Variants in WFDC8 observed in about 807,000 individuals in gnomAD.
WFDC8 encodes WAP four-disulfide core domain 8.
In WFDC8, 24 loss-of-function variants were observed where a neutral mutation model predicts 27.0. The ratio of observed to expected loss-of-function variants is 0.89; its 90% confidence interval spans 0.64 to 1.25. The LOEUF (loss-of-function observed/expected upper bound fraction) is 1.25, where lower values mean the gene tolerates loss of function less well. WFDC8 is among the 50% of genes most tolerant of loss of function. The pLI is 0.00. For synonymous variants in WFDC8, 106 were observed against 99.7 expected (o/e 1.06, Z -0.38); for missense variants, 287 against 295.9 (o/e 0.97, Z 0.22).
intron 2 of WFDC8, among the ~76,000 whole-genome samples, chr20:45,561,091 CACTT>C (rs1237589607): frequency 6.6e-6 from 1 of 152,158 alleles, no homozygotes; most frequent in Non-Finnish European, 1.5e-5. Context: ...CTTGAACTCT[CACTT>C]ATTAATAAAA....
chr20:45,553,110 T>A (rs1464461397), intron 5 of WFDC8, 26 bp downstream of exon 5: 1 of 1,600,132 alleles, frequency 6.2e-7, no homozygotes, highest in Non-Finnish European at 8.5e-7. Flanking sequence ...CCCAATAGAT[T>A]TGGGAGGTAT....
At chr20:45,558,051 C>T (rs767429830) in intron 3 of WFDC8, among the ~76,000 whole-genome samples, 2 of 152,278 alleles carry the variant, frequency 1.3e-5, no homozygotes, top group South Asian at 2.1e-4. Flanking sequence ...TCTAAGCTAA[C>T]GTGAGTGACT....
intron 1 of WFDC8, among the ~76,000 whole-genome samples, chr20:45,564,819 G>A (rs1568639240): frequency 6.6e-6 from 1 of 151,558 alleles, no homozygotes; most frequent in Non-Finnish European, 1.5e-5. Flanking sequence ...TTCAGCCTGG[G>A]TGACAGAGTG....
In WFDC8 at chr20:45,552,078, A is replaced by G; in HGVS notation, c.674T>C (p.Val225Ala). ...KCLQDEECPL[V>A]EKCCSHCGLK... ...TCCACAATGTGAGCAGCACTTTTCC[A>G]CCAATGGGCACTCCTCATCCTGCAG... The change falls in exon 6 of 6, where the codon GTG becomes GCG. Residue 225 changes from valine (V) to alanine (A), a missense_variant. Val to Ala is a moderately conservative substitution (Grantham distance 64). Coordinates refer to ENST00000289953, the MANE Select transcript of WFDC8 (RefSeq NM_130896.3). 6.2e-7 allele frequency: 1 copy of G among 1,614,124 alleles called. No homozygotes were observed.
chr20:45,565,677 G>A (rs1464631632), intron 1 of WFDC8, among the ~76,000 whole-genome samples: 3 of 152,166 alleles, frequency 2.0e-5, no homozygotes, highest in Non-Finnish European at 4.4e-5. Context: ...ATACCAAGGG[G>A]TCAGCACCGG....
chr20:45,579,196 C>T (rs759004030), intron 1 of WFDC8, 26 bp downstream of exon 1: 8 of 1,612,776 alleles, frequency 5.0e-6, no homozygotes, highest in Non-Finnish European at 6.8e-6. Flanking sequence ...TGTCTGGCTA[C>T]CCACCCCCAT....
chr20:45,553,026 G>T lies in WFDC8; in HGVS notation c.586+110C>A, dbSNP rs1980096850. ...AAAGGGGTTCCCAAAGATCCTCAAA[G>T]ATGAGCCCAAGGAGCATCTGAGGTT... On this transcript the variant is annotated intron_variant, in intron 5 of 5. Transcript: ENST00000289953. 4.5e-6 allele frequency: 6 copies of T among 1,346,894 alleles called. No individual in the cohort carries two copies. The East Asian group carries it at 7.1e-5, about 16-fold the overall frequency. The allele number at this position is 1,346,894 out of a possible 1,614,324, so 83.4% of individuals were successfully genotyped here.
intron 1 of WFDC8, among the ~76,000 whole-genome samples, chr20:45,569,125 T>C (rs538841991): frequency 5.6e-4 from 85 of 152,326 alleles, no homozygotes; most frequent in African/African-American, 2.0e-3. Flanking sequence ...GCAGATGACC[T>C]TTCACAGGGC....
At chr20:45,554,394 T>G (rs1367900335) in intron 4 of WFDC8, among the ~76,000 whole-genome samples, 2 of 152,100 alleles carry the variant, frequency 1.3e-5, no homozygotes. Flanking sequence ...GTAGAGCAGA[T>G]AGTGGATTTT....
chr20:45,555,584 T>A, intron 4 of WFDC8, 117 bp downstream of exon 4: 1 of 1,194,214 alleles, frequency 8.4e-7, no homozygotes, highest in Non-Finnish European at 1.2e-6. Flanking sequence ...AGCCAGTGAA[T>A]GACAGAGCTA....
At chr20:45,579,026 G>T (rs1981142401) in intron 1 of WFDC8, among the ~76,000 whole-genome samples, 196 bp downstream of exon 1, 1 of 152,100 alleles carries the variant, frequency 6.6e-6, no homozygotes, top group Non-Finnish European at 1.5e-5. Context: ...AGAATCGCTG[G>T]ATGCATTGAT....
chr20:45,555,402 A>G (rs2145562221), intron 4 of WFDC8, among the ~76,000 whole-genome samples: 1 of 152,306 alleles, frequency 6.6e-6, no homozygotes, highest in Non-Finnish European at 1.5e-5. Context: ...ACCTTCTTCC[A>G]AGGGGGCACA....
At chr20:45,555,656 T>A in intron 4 of WFDC8, 45 bp downstream of exon 4, 6 of 1,599,286 alleles carry the variant, frequency 3.8e-6, no homozygotes, top group Non-Finnish European at 5.1e-6. Context: ...GGTATACTAT[T>A]TCTAGTTAAA....
rs1206929496 is a variant in WFDC8, at chr20:45,568,451, T to A, written c.27-6232A>T. On this transcript the variant is annotated intron_variant, in intron 1 of 5. Coordinates refer to ENST00000289953, the MANE Select transcript of WFDC8 (RefSeq NM_130896.3). The stretch of plus-strand genomic sequence containing the variant: ...CCTGGCTCTGTATTTGCTGAGTGTA[T>A]GTCTTCTCCATCTGTTTCATATGGC... 2.0e-5 allele frequency: 6 copies of A among 298,466 alleles called. No individual in the cohort carries two copies. In the East Asian group the frequency reaches 4.5e-4, roughly 22 times the overall value. The allele number at this position is 298,466 out of a possible 1,614,324, so 18.5% of individuals were successfully genotyped here.
intron 1 of WFDC8, among the ~76,000 whole-genome samples, chr20:45,562,740 G>A (rs1980518387): frequency 6.6e-6 from 1 of 152,128 alleles, no homozygotes; most frequent in African/African-American, 2.4e-5. Flanking sequence ...TATTCCTTCT[G>A]TGACTATCCA....
Position 45,579,263 on chromosome 20 carries a change from T to C in WFDC8, c.-16A>G, listed in dbSNP as rs1453869265. 8.1e-6 allele frequency: 13 copies of C among 1,613,742 alleles called. No homozygotes were observed. Among genetic ancestry groups the C allele is most frequent in the East Asian group, 6.7e-5 (3 of 44,870 alleles). ...CAGTCCACATCAGGCCTCTTCCCTATGGAGACAGCTTCCTCACTTTGCTCC... is the reference window on the plus strand; with the variant it reads ...CAGTCCACATCAGGCCTCTTCCCTACGGAGACAGCTTCCTCACTTTGCTCC... On this transcript the variant is annotated 5_prime_UTR_variant, in exon 1 of 6. Transcript: ENST00000289953.
intron 3 of WFDC8, among the ~76,000 whole-genome samples, chr20:45,557,619 G>A (rs952747585): frequency 1.3e-5 from 2 of 152,096 alleles, no homozygotes; most frequent in Admixed American, 1.3e-4. Flanking sequence ...TTTTAGTAGA[G>A]ACAAGGTTTC....
rs116086218 is a variant in WFDC8 at position 45,574,589 on chromosome 20, G to A, written c.26+4633C>T. On this transcript the variant is annotated intron_variant, in intron 1 of 5. Transcript: ENST00000289953. ...GAGGGCAGATCACTTAAGGCTAGGC[G>A]TTCGAGACCAGCCTGGCCAACAGGG... Among the ~76,000 whole-genome samples, 667 of 152,288 alleles carry A rather than the reference G, an allele frequency of 4.4e-3. 5 individuals carry two copies. The highest frequency in any genetic ancestry group is 0.015 in the African/African-American group (633 of 41,540).
At chr20:45,565,530 A>G (rs1343274718) in intron 1 of WFDC8, among the ~76,000 whole-genome samples, 1 of 152,192 alleles carries the variant, frequency 6.6e-6, no homozygotes, top group African/African-American at 2.4e-5. Flanking sequence ...TTTTTAAAAA[A>G]AGCATACTTC....
Sources: allele counts gnomAD v4.1 joint callset (sites outside exome capture counted in the v4.1 genomes callset), GRCh38; gene constraint gnomAD v4.1.1; transcripts MANE v1.5; gene names NCBI Gene and HGNC (gene_info 2026-07-23, HGNC 2026-07-21).